PTPA: variants seen among roughly 807,000 people sequenced by gnomAD.
PTPA encodes serine/threonine-protein phosphatase 2A activator.
A neutral mutation model predicts 43.6 loss-of-function variants in PTPA; 13 were observed. The ratio of observed to expected loss-of-function variants is 0.30; its 90% CI spans 0.19 to 0.47. PTPA has a LOEUF of 0.47. PTPA is among the 20% of genes least tolerant of loss of function. The pLI is 0.99. For missense variants in PTPA, 329 were observed against 411.9 expected (o/e 0.80, Z 1.74); for synonymous variants, 172 against 158.2 (o/e 1.09, Z -0.66).
At chr9:129,145,209 T>C (rs1007290721) in intron 9 of PTPA, among the ~76,000 whole-genome samples, 1 of 151,702 alleles carries the variant, frequency 6.6e-6, no homozygotes, top group Non-Finnish European at 1.5e-5. Context: ...TGCGCACCTG[T>C]AATTCCAGCT....
chr9:129,126,271 A>G (rs1285531095), intron 3 of PTPA, among the ~76,000 whole-genome samples: 2 of 151,738 alleles, frequency 1.3e-5, no homozygotes, highest in Non-Finnish European at 2.9e-5. Flanking sequence ...TCGGCTCACC[A>G]CAACCTCCGC....
chr9:129,127,315 A>G (rs1849644338), intron 3 of PTPA, among the ~76,000 whole-genome samples: 1 of 152,188 alleles, frequency 6.6e-6, no homozygotes, highest in African/African-American at 2.4e-5. Context: ...CCCCAGGTAC[A>G]TACATAGCTC....
intron 1 of PTPA, among the ~76,000 whole-genome samples, chr9:129,112,944 C>CG (rs981057653): frequency 1.2e-4 from 17 of 142,690 alleles, no homozygotes; most frequent in African/African-American, 3.7e-4. Context: ...TCCGTCACCC[C>CG]CCAAAAAAAA....
At position 129,147,603 on chromosome 9, in the gene PTPA, G is replaced by A; in HGVS notation, c.*139G>A. 1 of 877,254 alleles carries A rather than the reference G, an allele frequency of 1.1e-6. No individual in the cohort carries two copies. The highest frequency in any genetic ancestry group is 1.8e-6 in the Non-Finnish European group (1 of 571,106). 54.3% of individuals were successfully genotyped at this position (877,254 alleles called of 1,614,324 possible). On this transcript the variant is annotated 3_prime_UTR_variant, in exon 10 of 10. Transcript: ENST00000393370. ...GTTTACTGGGGTGGGGTGGCGAGAT[G>A]GGCTTGAGGGGGCTCAGAGCATAAG...
At chr9:129,130,733 C>G (rs557728200) in intron 4 of PTPA, among the ~76,000 whole-genome samples, 2 of 152,232 alleles carry the variant, frequency 1.3e-5, no homozygotes, top group South Asian at 4.2e-4. Flanking sequence ...AGCTTTACAG[C>G]TTGATGGATT....
intron 9 of PTPA, among the ~76,000 whole-genome samples, chr9:129,144,221 C>T (rs1851123571): frequency 6.6e-6 from 1 of 151,776 alleles, no homozygotes; most frequent in South Asian, 2.1e-4. Context: ...GATGGTGTGG[C>T]AGGAACACAG....
intron 1 of PTPA, among the ~76,000 whole-genome samples, chr9:129,117,197 C>G (rs1350584937): frequency 6.6e-6 from 1 of 151,552 alleles, no homozygotes; most frequent in Non-Finnish European, 1.5e-5. Flanking sequence ...CAGGTGTGCA[C>G]CACTACACCT....
At chr9:129,121,761 C>T (rs1849262637) in intron 2 of PTPA, among the ~76,000 whole-genome samples, 2 of 152,212 alleles carry the variant, frequency 1.3e-5, no homozygotes, top group Admixed American at 6.5e-5. Flanking sequence ...AGTTGAGAAC[C>T]TGCTTCTTTG....
Position 129,111,435 on chromosome 9 carries a change from C to A in PTPA, c.-166C>A. 6 of 1,249,772 alleles carry A rather than the reference C, an allele frequency of 4.8e-6. No homozygotes were observed. The highest frequency in any genetic ancestry group is 6.1e-6 in the Non-Finnish European group (6 of 989,616). 77.4% of individuals were successfully genotyped at this position (1,249,772 alleles called of 1,614,324 possible). ...CCCGCACCGACATGGCGGCCGTCTT[C>A]GCTGTGGTGACTTTAACTCTCGGTT... On this transcript the variant is annotated 5_prime_UTR_variant, in exon 1 of 10. Coordinates refer to ENST00000393370, the MANE Select transcript of PTPA (RefSeq NM_178000.3).
In PTPA at chr9:129,137,656, C is replaced by T. The variant is rs200171889; in HGVS notation, c.750C>T (p.Asp250=). 10 of 1,612,114 alleles carry T rather than the reference C, an allele frequency of 6.2e-6. No homozygotes were observed. Among genetic ancestry groups the T allele is most frequent in the Non-Finnish European group, 7.6e-6 (9 of 1,178,916 alleles). Residue 250 remains aspartate (D), a synonymous_variant, in exon 8 of 10, where the codon GAC becomes GAT. Coordinates refer to ENST00000393370, the MANE Select transcript of PTPA (RefSeq NM_178000.3). ...DEKAVNENHK[D]YMFLECILFI... ...AGGCCGTGAATGAGAACCACAAGGA[C>T]TACATGTTCCTGGAGTGTATCCTGT...
upstream of PTPA, chr9:129,111,331 G>C: frequency 8.6e-7 from 1 of 1,156,708 alleles, no homozygotes; most frequent in Non-Finnish European, 1.1e-6. Context: ...CGCCCCGCGC[G>C]CCCCGCACTG....
chr9:129,131,431 TG>T, intron 4 of PTPA, 90 bp from the exon 5 acceptor site: 1 of 1,117,460 alleles, frequency 8.9e-7, no homozygotes, highest in Non-Finnish European at 1.4e-6. Flanking sequence ...CAAGGCAGTG[TG>T]GGCCCCCAGT....
Position 129,111,638 on chromosome 9 carries a change from C to G in PTPA, c.31+7C>G, listed in dbSNP as rs534864957. Reference sequence around the variant, plus strand: ...GAGCGGCAGCCGCCGCCAGGTAAGGCCGGCGGGGCCAGGCCGGGCCGGGGT... The same window carrying G: ...GAGCGGCAGCCGCCGCCAGGTAAGGGCGGCGGGGCCAGGCCGGGCCGGGGT... On this transcript the variant is annotated splice_region_variant and intron_variant, in intron 1 of 9. Transcript: ENST00000393370. 3.9e-4 allele frequency: 499 copies of G among 1,277,726 alleles called. No homozygotes were observed. The highest frequency in any genetic ancestry group is 4.7e-4 in the Non-Finnish European group (471 of 1,004,246). The allele number at this position is 1,277,726 out of a possible 1,614,324, so 79.1% of individuals were successfully genotyped here.
rs554594803 is a variant in PTPA, at chr9:129,118,202, C to T, written c.32-2311C>T. On this transcript the variant is annotated intron_variant, in intron 1 of 9. Coordinates refer to ENST00000393370, the MANE Select transcript of PTPA (RefSeq NM_178000.3). Reference sequence around the variant, plus strand: ...CTGAGTAGCTAGGATTACAGGTGTGCGCCACCACACTTGGCTAATTTTTGT... The same window carrying T: ...CTGAGTAGCTAGGATTACAGGTGTGTGCCACCACACTTGGCTAATTTTTGT... 1.4e-4 allele frequency among the ~76,000 whole-genome samples: 21 copies of T among 151,290 alleles called. No homozygotes were observed. The East Asian group carries it at 2.5e-3, about 18-fold the overall frequency.
At chr9:129,118,047 G>A (rs1369353333) in intron 1 of PTPA, among the ~76,000 whole-genome samples, 1 of 127,372 alleles carries the variant, frequency 7.9e-6, no homozygotes, top group Non-Finnish European at 1.7e-5. Flanking sequence ...TATTTGAGTT[G>A]TTTCTTTTTT....
intron 7 of PTPA, among the ~76,000 whole-genome samples, chr9:129,137,005 C>T (rs1850414761): frequency 6.6e-6 from 1 of 152,214 alleles, no homozygotes; most frequent in Non-Finnish European, 1.5e-5. Flanking sequence ...CAAAGGGGCC[C>T]GTTAGGGAGC....
At chr9:129,144,988 A>G (rs1169016262) in intron 9 of PTPA, among the ~76,000 whole-genome samples, 2 of 150,826 alleles carry the variant, frequency 1.3e-5, no homozygotes, top group Non-Finnish European at 3.0e-5. Flanking sequence ...AATTGAGATC[A>G]CACCACTGCA....
chr9:129,114,227 G>C (rs746780878), intron 1 of PTPA, among the ~76,000 whole-genome samples: 3 of 152,082 alleles, frequency 2.0e-5, no homozygotes, highest in Non-Finnish European at 2.9e-5. Flanking sequence ...TTCGCCGTGT[G>C]GGCCAGGCTG....
chr9:129,124,405 C>G (rs927699429), intron 3 of PTPA, among the ~76,000 whole-genome samples: 1 of 152,210 alleles, frequency 6.6e-6, no homozygotes, highest in Admixed American at 6.5e-5. Context: ...CATTGCTCCT[C>G]GCATATCATT....
Sources: gnomAD v4.1 joint callset for allele counts (sites outside exome capture counted in the v4.1 genomes callset) on GRCh38, gnomAD v4.1.1 for gene constraint, MANE v1.5 for transcripts, NCBI Gene and HGNC (gene_info 2026-07-23, HGNC 2026-07-21) for gene names.